Variants in HHAT observed in about 807,000 individuals in gnomAD.
HHAT encodes protein-cysteine N-palmitoyltransferase HHAT.
In HHAT, 47 loss-of-function variants were observed where a neutral mutation model predicts 70.8. The observed-to-expected ratio is 0.66, with a 90% CI of 0.53 to 0.85. The LOEUF (loss-of-function observed/expected upper bound fraction) is 0.85. HHAT is among the 40% of genes least tolerant of loss of function. The pLI is 0.00. For synonymous variants in HHAT, 228 were observed against 247.6 expected, an observed-to-expected ratio of 0.92 and a Z score of 0.74; for missense variants, 609 against 604.8, an observed-to-expected ratio of 1.01 and a Z score of -0.07.
intron 2 of HHAT, among the ~76,000 whole-genome samples, chr1:210,354,422 C>G (rs1274744011): frequency 6.6e-6 from 1 of 152,038 alleles, no homozygotes; most frequent in Admixed American, 6.5e-5. Flanking sequence ...TCAGGCTGGT[C>G]TCAAACTCCT....
At chr1:210,651,038 A>G (rs929706125) in intron 11 of HHAT, among the ~76,000 whole-genome samples, 2 of 152,214 alleles carry the variant, frequency 1.3e-5, no homozygotes, top group Non-Finnish European at 2.9e-5. Flanking sequence ...AGGGGGAGAG[A>G]GGAACCAGCT....
chr1:210,609,703 C>G (rs990892516), intron 10 of HHAT, among the ~76,000 whole-genome samples: 1 of 152,138 alleles, frequency 6.6e-6, no homozygotes, highest in African/African-American at 2.4e-5. Flanking sequence ...TGTTGTTCCC[C>G]ACCATGGGTC....
chr1:210,331,391 G>A (rs1044773261), intron 1 of HHAT, among the ~76,000 whole-genome samples: 1 of 152,098 alleles, frequency 6.6e-6, no homozygotes, highest in Non-Finnish European at 1.5e-5. Context: ...CAGGCTTTTC[G>A]GTGCTTTTGT....
At chr1:210,614,234 G>C (rs1667196839) in intron 10 of HHAT, among the ~76,000 whole-genome samples, 1 of 151,946 alleles carries the variant, frequency 6.6e-6, no homozygotes, top group Non-Finnish European at 1.5e-5. Flanking sequence ...TTAGTACATA[G>C]AGATACACAA....
chr1:210,528,358 G>C (rs2095274946), intron 9 of HHAT, among the ~76,000 whole-genome samples: 1 of 152,188 alleles, frequency 6.6e-6, no homozygotes, highest in African/African-American at 2.4e-5. Context: ...TGTGTTCCGG[G>C]CGCTAAGAGT....
chr1:210,617,108 T>C lies in HHAT; in HGVS notation c.1246-6418T>C, dbSNP rs573933029. 1.3e-5 allele frequency among the ~76,000 whole-genome samples: 2 copies of C among 152,370 alleles called. 1 individual carries two copies. Among genetic ancestry groups the C allele is most frequent in the South Asian group, 4.1e-4 (2 of 4,832 alleles). ...CCTAAGTTGGGCTGGTCCAAAGCTG[T>C]TGCTCTCCTGAGCTGACATTAAGCT... On this transcript the variant is annotated intron_variant, in intron 10 of 11. Transcript: ENST00000261458.
chr1:210,436,727 C>A (rs547715616), intron 7 of HHAT, among the ~76,000 whole-genome samples: 1 of 151,798 alleles, frequency 6.6e-6, no homozygotes, highest in East Asian at 1.9e-4. Flanking sequence ...TAGGTGATAC[C>A]CCACAAAATC....
At chr1:210,645,388 C>A (rs974080899) in intron 11 of HHAT, among the ~76,000 whole-genome samples, 2 of 152,234 alleles carry the variant, frequency 1.3e-5, no homozygotes, top group African/African-American at 4.8e-5. Context: ...CGCCATTCTC[C>A]TGCCTCAGCC....
chr1:210,439,719 A>G (rs751138567), intron 7 of HHAT: 1 of 151,906 alleles, frequency 6.6e-6, no homozygotes, highest in African/African-American at 2.4e-5. Flanking sequence ...TTGCAAAGTA[A>G]TTCCTTCATG....
In HHAT at chr1:210,461,623, G is replaced by T. The variant is rs1474249642; in HGVS notation, c.857-2882G>T. On this transcript the variant is annotated intron_variant, in intron 7 of 11. Coordinates refer to ENST00000261458, the MANE Select transcript of HHAT (RefSeq NM_018194.6). ...GGCTGAGCCATGCATTTTTCAAAGG[G>T]ATAATGAAAATCAACAGCAAGACAG... is the stretch of plus-strand genomic sequence containing the variant. Among the ~76,000 whole-genome samples, 4 of 152,122 alleles carry T rather than the reference G, an allele frequency of 2.6e-5. No homozygotes were observed. In the East Asian group the frequency reaches 7.7e-4, roughly 29 times the overall value.
chr1:210,539,571 A>G (rs548176681), intron 9 of HHAT, among the ~76,000 whole-genome samples: 1 of 152,266 alleles, frequency 6.6e-6, no homozygotes, highest in East Asian at 1.9e-4. Flanking sequence ...TTCTTCGAGG[A>G]TTTTGGGATA....
intron 9 of HHAT, among the ~76,000 whole-genome samples, chr1:210,532,545 T>A (rs2095326075): frequency 6.6e-6 from 1 of 152,184 alleles, no homozygotes; most frequent in African/African-American, 2.4e-5. Flanking sequence ...CTTATATAAC[T>A]GTAGAATTCT....
chr1:210,341,908 A>C (rs556241522), intron 1 of HHAT, among the ~76,000 whole-genome samples: 2 of 152,172 alleles, frequency 1.3e-5, no homozygotes, highest in African/African-American at 2.4e-5. Context: ...TTCCAGGGAA[A>C]ACTTTGCTAT....
chr1:210,653,992 G>GT (rs1364021756), intron 11 of HHAT, among the ~76,000 whole-genome samples: 3 of 10 alleles, frequency 0.3, no homozygotes, highest in East Asian at 0.5. Context: ...ATAGTGTGAC[G>GT]GGAATAGTGT....
chr1:210,396,253 C>T (rs1473906390), intron 4 of HHAT, among the ~76,000 whole-genome samples: 3 of 152,162 alleles, frequency 2.0e-5, no homozygotes, highest in Non-Finnish European at 4.4e-5. Context: ...GGAATAAAGA[C>T]CATTGAGTGA....
chr1:210,657,637 G>A (rs988222998), intron 11 of HHAT, among the ~76,000 whole-genome samples: 2 of 152,236 alleles, frequency 1.3e-5, no homozygotes, highest in Admixed American at 6.5e-5. Flanking sequence ...AAAAGAACAT[G>A]TCAGAAGCAT....
intron 7 of HHAT, among the ~76,000 whole-genome samples, chr1:210,444,302 A>T (rs1295771396): frequency 7.6e-6 from 1 of 131,804 alleles, no homozygotes; most frequent in East Asian, 2.2e-4. Flanking sequence ...TTGGTCTAAA[A>T]TTCTCTTTTT....
chr1:210,604,148 A>C (rs1664863007), intron 10 of HHAT, among the ~76,000 whole-genome samples: 1 of 152,024 alleles, frequency 6.6e-6, no homozygotes, highest in Admixed American at 6.6e-5. Flanking sequence ...GGTGCAATCT[A>C]GGCTCACTGC....
intron 10 of HHAT, among the ~76,000 whole-genome samples, chr1:210,616,115 G>A (rs1207981804): frequency 6.6e-6 from 1 of 152,172 alleles, no homozygotes; most frequent in Non-Finnish European, 1.5e-5. Context: ...AACATATTTT[G>A]AAATGTGTAT....
Sources: gnomAD v4.1 joint callset for allele counts (sites outside exome capture counted in the v4.1 genomes callset) on GRCh38, gnomAD v4.1.1 for gene constraint, MANE v1.5 for transcripts, NCBI Gene and HGNC (gene_info 2026-07-23, HGNC 2026-07-21) for gene names.